The following GOLGA8H variants were observed in gnomAD, a reference collection of about 807,000 sequenced individuals.
The protein encoded by GOLGA8H is golgin subfamily A member 8H.
Under a neutral mutation model 82.7 loss-of-function variants are expected in GOLGA8H, and 47 were observed. The observed-to-expected ratio is 0.57, with a 90% CI of 0.45 to 0.73. The LOEUF (loss-of-function observed/expected upper bound fraction) is 0.73, where lower values mean the gene tolerates loss of function less well. Ranked by LOEUF, GOLGA8H falls within the 30% of genes least tolerant of loss-of-function variation. The pLI, the probability that GOLGA8H is intolerant of heterozygous loss-of-function variation, is 0.00. For missense variants in GOLGA8H, 372 were observed against 661.0 expected (o/e 0.56, Z 4.79); for synonymous variants, 108 against 241.6 (o/e 0.45, Z 5.13).
At chr15:30,608,618 T>C (rs1355030690) in intron 7 of GOLGA8H, 29 bp from the exon 8 acceptor site, 1 of 1,602,550 alleles carries the variant, frequency 6.2e-7, no homozygotes, top group Non-Finnish European at 8.5e-7. Context: ...GGGAGTCCTT[T>C]GGGCCCCATC....
In GOLGA8H at chr15:30,617,603, C is replaced by G. The variant is rs2060117950; in HGVS notation, c.*3042C>G. On this transcript the variant is annotated 3_prime_UTR_variant, in exon 19 of 19. Coordinates refer to ENST00000566740, the MANE Select transcript of GOLGA8H (RefSeq NM_001282490.2). Reference sequence around the variant, plus strand: ...CAATTCCAGTCCAAAGTTTTATTTGCCAAGTTTTCTTAGAATGAATTTTAC... The same window carrying G: ...CAATTCCAGTCCAAAGTTTTATTTGGCAAGTTTTCTTAGAATGAATTTTAC... 6.6e-6 allele frequency: 1 copy of G among 151,500 alleles called. No individual in the cohort carries two copies. The highest frequency in any genetic ancestry group is 1.5e-5 in the Non-Finnish European group (1 of 67,834). 9.4% of individuals were successfully genotyped at this position (151,500 alleles called of 1,614,324 possible).
In GOLGA8H at chr15:30,610,576, G is replaced by T. The variant is rs566942150; in HGVS notation, c.874+187G>T. On this transcript the variant is annotated intron_variant, in intron 11 of 18. Coordinates refer to ENST00000566740, the MANE Select transcript of GOLGA8H (RefSeq NM_001282490.2). ...GTGTCTCAGTGTCCCCATCAGGAAA[G>T]AGGGCCCGTTGCCAGCCACCCGCAG... 3.3e-5 allele frequency among the ~76,000 whole-genome samples: 5 copies of T among 150,560 alleles called. No individual in the cohort carries two copies. In the East Asian group the frequency reaches 5.9e-4, roughly 18 times the overall value.
intron 13 of GOLGA8H, 67 bp from the exon 14 acceptor site, chr15:30,612,530 A>G: frequency 7.2e-7 from 1 of 1,390,926 alleles, no homozygotes; most frequent in Non-Finnish European, 1.0e-6. Flanking sequence ...GGAGCTGCTG[A>G]GGATGGGGCT....
At position 30,608,656 on chromosome 15, in the gene GOLGA8H, A is replaced by G. The variant is rs964520237; in HGVS notation, c.491A>G (p.Lys164Arg). The G allele has an allele frequency of 3.2e-6, 5 of 1,568,540 alleles. No homozygotes were observed. The highest frequency in any genetic ancestry group is 4.3e-6 in the Non-Finnish European group (5 of 1,151,642). ...RSLRYFEEKSKDLAVCLQHSL... is the reference protein window; with the variant it reads ...RSLRYFEEKSRDLAVCLQHSL... The stretch of plus-strand genomic sequence containing the variant: ...AACTTTCTCATTACAGAAAAGTCCA[A>G]GGATCTGGCTGTCTGCCTGCAACAT... Residue 164 changes from lysine to arginine, a missense_variant, in exon 8 of 19, where the codon AAG (lysine) becomes AGG (arginine). Lys to Arg is a conservative substitution (Grantham distance 26, BLOSUM62 2). Transcript: ENST00000566740.
Position 30,610,112 on chromosome 15 carries a change from A to C in GOLGA8H, c.786+6A>C, listed in dbSNP as rs1273678388. The stretch of plus-strand genomic sequence containing the variant: ...TGAGAAAAATGTCGCAGGAGGTGAG[A>C]TCTCACCCTTCAGCCCCCCCACATT... On this transcript the variant is annotated splice_donor_region_variant and intron_variant, in intron 10 of 18. Transcript: ENST00000566740. The C allele has an allele frequency of 1.9e-6, 3 of 1,610,694 alleles. No homozygotes were observed. The highest frequency in any genetic ancestry group is 2.5e-6 in the Non-Finnish European group (3 of 1,179,556).
chr15:30,607,724 C>G (rs2140819574), intron 4 of GOLGA8H: 1 of 598,904 alleles, frequency 1.7e-6, no homozygotes. Flanking sequence ...AATGAACCCA[C>G]TTCTCTAAAT....
intron 8 of GOLGA8H, 100 bp from the exon 9 acceptor site, chr15:30,609,706 A>C: frequency 2.0e-6 from 3 of 1,502,494 alleles, no homozygotes; most frequent in Non-Finnish European, 1.8e-6. Flanking sequence ...ATCTTTACTG[A>C]CTGAGTTGTA....
intron 11 of GOLGA8H, among the ~76,000 whole-genome samples, 178 bp from the exon 12 acceptor site, chr15:30,610,588 C>T (rs1326178262): frequency 1.3e-5 from 2 of 150,176 alleles, no homozygotes; most frequent in Non-Finnish European, 2.9e-5. Context: ...GGGCCCGTTG[C>T]CAGCCACCCG....
chr15:30,608,487 C>T lies in GOLGA8H; in HGVS notation c.417C>T (p.Asn139=), dbSNP rs751536773. Residue 139 remains asparagine, a synonymous_variant, in exon 7 of 19, where the codon AAC becomes AAT. Coordinates refer to ENST00000566740, the MANE Select transcript of GOLGA8H (RefSeq NM_001282490.2). ...CAAAGGTTCAAATCCAGACATTGAA[C>T]ATACAGAAAGGGAAACTAAATACGG... The part of the protein sequence containing the change: ...RVLEVQIQTL[N]IQKGKLNTDL... 6 of 1,610,822 alleles carry T rather than the reference C, an allele frequency of 3.7e-6. No individual in the cohort carries two copies. The African/African-American group carries it at 6.7e-5, about 18-fold the overall frequency.
In GOLGA8H at chr15:30,606,520, G is replaced by C. The variant is rs558375022; in HGVS notation, c.169-335G>C. 2.6e-5 allele frequency among the ~76,000 whole-genome samples: 4 copies of C among 151,680 alleles called. No individual in the cohort carries two copies. In the South Asian group the frequency reaches 8.3e-4, roughly 32 times the overall value. On this transcript the variant is annotated intron_variant, in intron 2 of 18. Coordinates refer to ENST00000566740, the MANE Select transcript of GOLGA8H (RefSeq NM_001282490.2). Reference sequence around the variant, plus strand: ...CATTTGTGAAATTTTCATGAGATTTGTTATTGTTGTTTTTATGTTAATCCC... The same window carrying C: ...CATTTGTGAAATTTTCATGAGATTTCTTATTGTTGTTTTTATGTTAATCCC...
chr15:30,611,474 G>C (rs200214067), intron 13 of GOLGA8H, 128 bp downstream of exon 13: 1 of 1,537,044 alleles, frequency 6.5e-7, no homozygotes, highest in Non-Finnish European at 8.7e-7. Flanking sequence ...GCACCCCGCA[G>C]GGCAGTCCTG....
At chr15:30,605,778 T>C in intron 1 of GOLGA8H, 65 bp from the exon 2 acceptor site, 5 of 1,578,438 alleles carry the variant, frequency 3.2e-6, no homozygotes, top group Non-Finnish European at 4.3e-6. Flanking sequence ...GTAAAAACTG[T>C]AAAGGAGGAT....
chr15:30,605,841 A>G lies in GOLGA8H; in HGVS notation c.49-2A>G, dbSNP rs1356458938. 4 of 1,588,914 alleles carry G rather than the reference A, an allele frequency of 2.5e-6. No individual in the cohort carries two copies. Among genetic ancestry groups the G allele is most frequent in the East Asian group, 2.2e-5 (1 of 44,588 alleles). On this transcript the variant is annotated splice_acceptor_variant, in intron 1 of 18. Transcript: ENST00000566740. LOFTEE classifies it high-confidence loss of function. ...GAGTATTACTGCTCTTCTTTCCAAC[A>G]GTTAAAAGAATATTGGCAGAAAAAC...
chr15:30,608,487 C>G lies in GOLGA8H; in HGVS notation c.417C>G (p.Asn139Lys), dbSNP rs751536773. 3 of 1,610,822 alleles carry G rather than the reference C, an allele frequency of 1.9e-6. No individual in the cohort carries two copies. The highest frequency in any genetic ancestry group is 2.5e-6 in the Non-Finnish European group (3 of 1,179,610). Residue 139 changes from asparagine (N) to lysine (K), a missense_variant, in exon 7 of 19, where the codon AAC becomes AAG. Physicochemically the swap from Asn to Lys is moderately conservative, Grantham distance 94 (BLOSUM62 0). Transcript: ENST00000566740. ...CAAAGGTTCAAATCCAGACATTGAA[C>G]ATACAGAAAGGGAAACTAAATACGG... Reference protein sequence around the residue: ...RVLEVQIQTLNIQKGKLNTDL... With the variant: ...RVLEVQIQTLKIQKGKLNTDL...
rs190727816 is a variant in GOLGA8H at position 30,610,625 on chromosome 15, G to A, written c.875-141G>A. The A allele has an allele frequency of 6.0e-5, 89 of 1,476,392 alleles. 2 individuals carry two copies. In the East Asian group the frequency reaches 1.4e-3, roughly 23 times the overall value. The allele number at this position is 1,476,392 out of a possible 1,614,324, so 91.5% of individuals were successfully genotyped here. ...AGTGCTCTTTCTCTGAATGTGCTTT[G>A]GAAGACTGGCTACCATCTGGGTGCG... On this transcript the variant is annotated intron_variant, in intron 11 of 18. Transcript: ENST00000566740.
At position 30,608,554 on chromosome 15, in the gene GOLGA8H, G is replaced by A; in HGVS notation, c.481+3G>A. On this transcript the variant is annotated splice_donor_region_variant and intron_variant, in intron 7 of 18. Transcript: ENST00000566740. ...ACGTTCTCTCAGATACTTTGAAGGT[G>A]GGAATCTGGGCACCCTGTCATCCTT... 1 of 1,609,720 alleles carries A rather than the reference G, an allele frequency of 6.2e-7. No individual in the cohort carries two copies. Among genetic ancestry groups the A allele is most frequent in the Non-Finnish European group, 8.5e-7 (1 of 1,179,276 alleles).
intron 8 of GOLGA8H, among the ~76,000 whole-genome samples, 181 bp downstream of exon 8, chr15:30,608,937 T>A (rs1595622300): frequency 8.0e-6 from 1 of 125,558 alleles, no homozygotes. Context: ...GTGGGTGAGT[T>A]GGGGGTCACT....
Position 30,615,475 on chromosome 15 carries a change from G to A in GOLGA8H, c.*914G>A, listed in dbSNP as rs1376157717. On this transcript the variant is annotated 3_prime_UTR_variant, in exon 19 of 19. Transcript: ENST00000566740. ...ATTTGTATCTACAATACATTTTAAA[G>A]TCAGAGTTCATGTTACCTGTTTTAA... Among the ~76,000 whole-genome samples, 3 of 151,574 alleles carry A rather than the reference G, an allele frequency of 2.0e-5. No individual in the cohort carries two copies. The highest frequency in any genetic ancestry group is 4.9e-5 in the African/African-American group (2 of 41,196).
rs1031382839 is a variant in GOLGA8H at position 30,609,989 on chromosome 15, A to T, written c.679-10A>T. ...ACAGCCCTTCCTAAGTTCTGTGCCC[A>T]TTCTTGCAGTTGAAGGAGTCATTTC... On this transcript the variant is annotated splice_polypyrimidine_tract_variant and intron_variant, in intron 9 of 18. Coordinates refer to ENST00000566740, the MANE Select transcript of GOLGA8H (RefSeq NM_001282490.2). 6.2e-7 allele frequency: 1 copy of T among 1,611,000 alleles called. No individual in the cohort carries two copies. The highest frequency in any genetic ancestry group is 1.3e-5 in the African/African-American group (1 of 74,610).
Sources: allele counts gnomAD v4.1 joint callset (sites outside exome capture counted in the v4.1 genomes callset), GRCh38; gene constraint gnomAD v4.1.1; transcripts MANE v1.5; gene names NCBI Gene and HGNC (gene_info 2026-07-23, HGNC 2026-07-21).